WDR33: variants seen among roughly 807,000 people sequenced by gnomAD.
WDR33 encodes the protein pre-mRNA 3' end processing protein WDR33.
Under a neutral mutation model 164.9 loss-of-function variants are expected in WDR33, and 47 were observed. That is an observed-to-expected ratio of 0.29 (90% CI 0.23 to 0.36). The LOEUF is 0.36. Among genes scored for constraint, WDR33 ranks in the 10% least tolerant of loss-of-function variants. WDR33 has a pLI of 1.00. For synonymous variants in WDR33, 505 were observed against 589.0 expected (o/e 0.86, Z 2.06); for missense variants, 1,137 against 1,754.1 (o/e 0.65, Z 6.28).
At chr2:127,786,844 CTTTT>C (rs71307273) in intron 1 of WDR33, among the ~76,000 whole-genome samples, 72 of 111,846 alleles carry the variant, frequency 6.4e-4, no homozygotes, top group African/African-American at 2.1e-3. Context: ...CCTTTCTGTT[CTTTT>C]TTTTTTTTTT....
Position 127,721,111 on chromosome 2 carries a change from G to A in WDR33, c.1671+725C>T, listed in dbSNP as rs906139850. 6.6e-6 allele frequency among the ~76,000 whole-genome samples: 1 copy of A among 152,036 alleles called. No individual in the cohort carries two copies. Among genetic ancestry groups the A allele is most frequent in the African/African-American group, 2.4e-5 (1 of 41,406 alleles). The stretch of plus-strand genomic sequence containing the variant: ...CCCACTAATTCAGTTTTTTTATGTT[G>A]TTGTTGTTGTTTTTGAGACAGAGTC... On this transcript the variant is annotated intron_variant, in intron 15 of 21. Transcript: ENST00000322313. This position sits in a 1 kb window ranked among gnomAD's most constrained non-coding sequence, Gnocchi z 4.9.
rs768025935 is a variant in WDR33 at position 127,725,092 on chromosome 2, T to C, written c.975A>G (p.Gln325=). The change falls in exon 9 of 22, where the codon CAA becomes CAG. Residue 325 remains glutamine, a synonymous_variant. Transcript: ENST00000322313. ...FDIRNLKEEL[Q]VFRGHKKEAT... ...CTTCTTTCTTATGACCTCGGAAGAC[T>C]TGAAGCTCTTCTTTTAGGTTTCTGA... 6.2e-7 allele frequency: 1 copy of C among 1,613,708 alleles called. No individual in the cohort carries two copies. The highest frequency in any genetic ancestry group is 2.2e-5 in the East Asian group (1 of 44,878).
rs1686437422 is a variant in WDR33, at chr2:127,721,485, G to A, written c.1671+351C>T. On this transcript the variant is annotated intron_variant, in intron 15 of 21. Transcript: ENST00000322313. This position sits in a 1 kb window ranked among gnomAD's most constrained non-coding sequence, Gnocchi z 4.9. Reference sequence around the variant, plus strand: ...AAATTAGTCAGACGTGATGGTGCATGCCTGTGGTCTCTGCCACTCAAGAGG... The same window carrying A: ...AAATTAGTCAGACGTGATGGTGCATACCTGTGGTCTCTGCCACTCAAGAGG... Among the ~76,000 whole-genome samples the A allele has an allele frequency of 6.6e-6, 1 of 152,174 alleles. No individual in the cohort carries two copies. The highest frequency in any genetic ancestry group is 1.5e-5 in the Non-Finnish European group (1 of 68,036).
intron 7 of WDR33, chr2:127,737,947 G>A (rs1686898669): frequency 1.9e-6 from 3 of 1,595,474 alleles, no homozygotes; most frequent in Admixed American, 1.8e-5. Flanking sequence ...AATCTTCTTG[G>A]GTATATTCAC....
rs1049116952 is a variant in WDR33 at position 127,719,326 on chromosome 2, A to G, written c.2699T>C (p.Ile900Thr). The change falls in exon 16 of 22, where the codon ATA becomes ACA. Residue 900 changes from isoleucine (I) to threonine (T), a missense_variant. By Grantham distance (89) the Ile-to-Thr change is moderately conservative. Transcript: ENST00000322313. The surrounding 1 kb of genome is among the most constrained non-coding windows in gnomAD (Gnocchi z 6.5). The part of the protein sequence containing the change: ...ARGPHPSQGP[I>T]PFQQQKTPLL... ...AGGCGTTTTCTGTTGCTGGAATGGT[A>G]TTGGCCCTTGAGATGGATGTGGCCC... The G allele has an allele frequency of 6.7e-7, 1 of 1,501,188 alleles. No homozygotes were observed. Among genetic ancestry groups the G allele is most frequent in the African/African-American group, 1.4e-5 (1 of 71,476 alleles). The allele number at this position is 1,501,188 out of a possible 1,614,324, so 93.0% of individuals were successfully genotyped here.
At chr2:127,729,725 G>A (rs1005307006) in intron 7 of WDR33, among the ~76,000 whole-genome samples, 2 of 152,140 alleles carry the variant, frequency 1.3e-5, no homozygotes, top group Non-Finnish European at 2.9e-5. Context: ...TCAATCTCCT[G>A]GCCTCGTGAT....
At chr2:127,751,301 C>T (rs568828153) in intron 7 of WDR33, among the ~76,000 whole-genome samples, 1 of 151,238 alleles carries the variant, frequency 6.6e-6, no homozygotes, top group Non-Finnish European at 1.5e-5. Context: ...GTGGAGGCTG[C>T]GGTAAGCCAA....
Position 127,706,108 on chromosome 2 carries a change from G to A in WDR33, c.*215C>T, listed in dbSNP as rs1686002004. The A allele has an allele frequency of 2.5e-6, 1 of 404,172 alleles. No homozygotes were observed. Among genetic ancestry groups the A allele is most frequent in the Admixed American group, 4.4e-5 (1 of 22,892 alleles). 25.0% of individuals were successfully genotyped at this position (404,172 alleles called of 1,614,324 possible). On this transcript the variant is annotated 3_prime_UTR_variant, in exon 22 of 22. Transcript: ENST00000322313. The surrounding 1 kb of genome is among the most constrained non-coding windows in gnomAD (Gnocchi z 5.1). ...ATCTTCACAAAACAACATGGGAGTT[G>A]GGGCAATGAGGGTGGACAGGACAGG...
rs949866656 is a variant in WDR33, at chr2:127,718,349, A to T, written c.2760+916T>A. On this transcript the variant is annotated intron_variant, in intron 16 of 21. Coordinates refer to ENST00000322313, the MANE Select transcript of WDR33 (RefSeq NM_018383.5). The surrounding 1 kb of genome is among the most constrained non-coding windows in gnomAD (Gnocchi z 4.4). ...GCTGACTCGCTCACTTTTGGTCCAC[A>T]CTGGACCAAAAGTGAGTTTTCAGGG... Among the ~76,000 whole-genome samples, 2 of 151,968 alleles carry T rather than the reference A, an allele frequency of 1.3e-5. No homozygotes were observed. The highest frequency in any genetic ancestry group is 2.9e-5 in the Non-Finnish European group (2 of 67,990).
intron 2 of WDR33, 38 bp from the exon 3 acceptor site, chr2:127,769,039 A>AAATAAATT (rs200939041): frequency 5.0e-6 from 6 of 1,191,392 alleles, no homozygotes; most frequent in Middle Eastern, 3.0e-4. Context: ...ATAAATAAAT[A>AAATAAATT]GATCAATTAA....
intron 7 of WDR33, among the ~76,000 whole-genome samples, chr2:127,752,442 T>C (rs1360392442): frequency 1.3e-5 from 2 of 149,736 alleles, no homozygotes; most frequent in Non-Finnish European, 3.0e-5. Context: ...TACAAAAAAT[T>C]AGCCGGGCGC....
Position 127,713,952 on chromosome 2 carries a change from C to T in WDR33, c.2939G>A (p.Gly980Glu). 6.3e-7 allele frequency: 1 copy of T among 1,588,110 alleles called. No individual in the cohort carries two copies. Reference sequence around the variant, plus strand: ...CCCCCTCTCGGGCCCATGCTCAGGCCCGCCGCTCTGCTCATGCCGCCTCTC... The same window carrying T: ...CCCCCTCTCGGGCCCATGCTCAGGCTCGCCGCTCTGCTCATGCCGCCTCTC... ...MSERRHEQSGGPEHGPERGPF... is the reference protein window; with the variant it reads ...MSERRHEQSGEPEHGPERGPF... Residue 980 changes from glycine to glutamate, a missense_variant, in exon 18 of 22, where the codon GGG becomes GAG. Physicochemically the swap from Gly to Glu is moderately conservative, Grantham distance 98. Around this residue, in one of 9 missense-constraint regions of WDR33, gnomAD observed 867 missense variants for 1,073.0 expected, o/e 0.81. Coordinates refer to ENST00000322313, the MANE Select transcript of WDR33 (RefSeq NM_018383.5). The surrounding 1 kb of genome is among the most constrained non-coding windows in gnomAD (Gnocchi z 6.2).
At chr2:127,788,522 G>A (rs1245445151) in intron 1 of WDR33, among the ~76,000 whole-genome samples, 1 of 125,310 alleles carries the variant, frequency 8.0e-6, no homozygotes, top group African/African-American at 3.3e-5. Context: ...GGGTGGGGGG[G>A]CTGACCCCCC....
At position 127,726,614 on chromosome 2, in the gene WDR33, T is replaced by G. The variant is rs780824482; in HGVS notation, c.851+37A>C. The G allele has an allele frequency of 5.0e-6, 8 of 1,610,332 alleles. No individual in the cohort carries two copies. The Admixed American group carries it at 1.3e-4, about 27-fold the overall frequency. ...TAAAGGACACACTGCTTTGCTCCCC[T>G]TTGTTCAGGGGCCAAGGTGGGGTTC... On this transcript the variant is annotated intron_variant, in intron 8 of 21. Transcript: ENST00000322313. The surrounding 1 kb of genome is among the most constrained non-coding windows in gnomAD (Gnocchi z 4.8).
Position 127,709,844 on chromosome 2 carries a change from T to A in WDR33, c.3321A>T (p.Gly1107=). The A allele has an allele frequency of 1.9e-6, 3 of 1,614,032 alleles. No individual in the cohort carries two copies. The highest frequency in any genetic ancestry group is 1.1e-5 in the South Asian group (1 of 91,064). The stretch of plus-strand genomic sequence containing the variant: ...CACGGCCCTCATGCCTCGGCGGGGC[T>A]CCTCTTCTGAAACTGTAAAGAGAAA... ...RGRREESFRR[G]APPRHEGRAP... is the part of the protein sequence containing the mutation. Residue 1107 remains glycine (G), a synonymous_variant, in exon 19 of 22, where the codon GGA becomes GGT. Coordinates refer to ENST00000322313, the MANE Select transcript of WDR33 (RefSeq NM_018383.5). The surrounding 1 kb of genome is among the most constrained non-coding windows in gnomAD (Gnocchi z 5.0).
chr2:127,733,003 T>C (rs1282194553), intron 7 of WDR33, among the ~76,000 whole-genome samples: 1 of 152,192 alleles, frequency 6.6e-6, no homozygotes, highest in African/African-American at 2.4e-5. Flanking sequence ...AAGAATGTAG[T>C]GTTTGTAATA....
intron 7 of WDR33, among the ~76,000 whole-genome samples, chr2:127,727,037 G>A (rs994785182): frequency 2.6e-5 from 4 of 152,078 alleles, no homozygotes; most frequent in African/African-American, 9.7e-5. Flanking sequence ...GAGGTCAGTC[G>A]AGGCTTTTGG....
In WDR33 at chr2:127,709,885, T is replaced by A. The variant is rs1686115038; in HGVS notation, c.3309-29A>T. On this transcript the variant is annotated intron_variant, in intron 18 of 21. Transcript: ENST00000322313. This position sits in a 1 kb window ranked among gnomAD's most constrained non-coding sequence, Gnocchi z 5.0. Reference sequence around the variant, plus strand: ...TAAAGAGAAAACAGCAGAATGTCCATCTCAGAGAACACCTTGCCACTCTAA... The same window carrying A: ...TAAAGAGAAAACAGCAGAATGTCCAACTCAGAGAACACCTTGCCACTCTAA... 1.2e-6 allele frequency: 2 copies of A among 1,609,268 alleles called. No homozygotes were observed. Among genetic ancestry groups the A allele is most frequent in the African/African-American group, 2.7e-5 (2 of 74,616 alleles).
At chr2:127,769,979 G>C (rs1372308438) in intron 2 of WDR33, among the ~76,000 whole-genome samples, 3 of 152,202 alleles carry the variant, frequency 2.0e-5, no homozygotes, top group Non-Finnish European at 2.9e-5. Context: ...TAGGACTGCA[G>C]TAGGCGTTCA....
Sources: allele counts gnomAD v4.1 joint callset (sites outside exome capture counted in the v4.1 genomes callset), GRCh38; gene constraint gnomAD v4.1.1; regional missense constraint gnomAD v4.1.1; non-coding constraint Gnocchi (gnomAD v3.1); transcripts MANE v1.5; gene names NCBI Gene and HGNC (gene_info 2026-07-23, HGNC 2026-07-21).